The following WDR33 variants were observed in gnomAD, a reference collection of about 807,000 sequenced individuals.
WDR33 encodes WD repeat domain 33, also known as pre-mRNA 3' end processing protein WDR33.
In WDR33, 47 loss-of-function variants were observed where a neutral mutation model predicts 164.9. The ratio of observed to expected loss-of-function variants is 0.29; its 90% CI spans 0.23 to 0.36. WDR33 has a LOEUF of 0.36. WDR33 is among the 10% of genes least tolerant of loss of function. WDR33 has a pLI of 1.00. For synonymous variants in WDR33, 505 were observed against 589.0 expected (o/e 0.86, Z 2.06); for missense variants, 1,137 against 1,754.1 (o/e 0.65, Z 6.28).
At position 127,722,345 on chromosome 2, in the gene WDR33, CCT is replaced by C. The variant is rs2105382952; in HGVS notation, c.1518+244_1518+245del. Among the ~76,000 whole-genome samples the C allele has an allele frequency of 6.6e-6, 1 of 152,280 alleles. No individual in the cohort carries two copies. Among genetic ancestry groups the C allele is most frequent in the African/African-American group, 2.4e-5 (1 of 41,548 alleles). On this transcript the variant is annotated intron_variant, in intron 14 of 21. Coordinates refer to ENST00000322313, the MANE Select transcript of WDR33 (RefSeq NM_018383.5). This position sits in a 1 kb window ranked among gnomAD's most constrained non-coding sequence, Gnocchi z 5.1. The stretch of plus-strand genomic sequence containing the variant: ...ACTCCCATACTCCCTCTGCTCCATG[CCT>C]CTTTCTTCTATTTCCTCTCATAGCA...
rs1685869307 is a variant in WDR33, at chr2:127,701,228, C to A, written c.*5095G>T. 1 of 246,746 alleles carries A rather than the reference C, an allele frequency of 4.1e-6. No homozygotes were observed. Among genetic ancestry groups the A allele is most frequent in the South Asian group, 1.8e-4 (1 of 5,690 alleles). 15.3% of individuals were successfully genotyped at this position (246,746 alleles called of 1,614,324 possible). On this transcript the variant is annotated 3_prime_UTR_variant, in exon 22 of 22. Transcript: ENST00000322313. ...TTGTGCCCCTTTAGAACCACACCCA[C>A]CCCTGCCTTCCAACTATTAATGCTG...
intron 7 of WDR33, among the ~76,000 whole-genome samples, chr2:127,760,401 T>C (rs922990531): frequency 1.3e-5 from 2 of 152,216 alleles, no homozygotes; most frequent in African/African-American, 4.8e-5. Context: ...GCAACTGATA[T>C]TTTAGAGGTT....
rs76572662 is a variant in WDR33, at chr2:127,773,413, T to C, written c.-23-2409A>G. 4.7e-4 allele frequency among the ~76,000 whole-genome samples: 71 copies of C among 151,794 alleles called. 1 individual carries two copies. Among genetic ancestry groups the C allele is most frequent in the East Asian group, 2.7e-3 (14 of 5,170 alleles). ...TAAGACCATTAAATTTGAATAATAATAACAACAAGGAGGAGGAGGGGTGGA... is the reference window on the plus strand; with the variant it reads ...TAAGACCATTAAATTTGAATAATAACAACAACAAGGAGGAGGAGGGGTGGA... On this transcript the variant is annotated intron_variant, in intron 1 of 21. Coordinates refer to ENST00000322313, the MANE Select transcript of WDR33 (RefSeq NM_018383.5).
At chr2:127,782,604 T>C (rs1390138746) in intron 1 of WDR33, among the ~76,000 whole-genome samples, 1 of 152,080 alleles carries the variant, frequency 6.6e-6, no homozygotes, top group Admixed American at 6.6e-5. Flanking sequence ...GGAAGAAAAA[T>C]ATTAGACGGG....
In WDR33 at chr2:127,702,102, G is replaced by A; in HGVS notation, c.*4221C>T. 8.2e-7 allele frequency: 1 copy of A among 1,217,462 alleles called. No homozygotes were observed. Among genetic ancestry groups the A allele is most frequent in the Non-Finnish European group, 1.0e-6 (1 of 981,254 alleles). The allele number at this position is 1,217,462 out of a possible 1,614,324, so 75.4% of individuals were successfully genotyped here. On this transcript the variant is annotated 3_prime_UTR_variant, in exon 22 of 22. Transcript: ENST00000322313. ...GCTGGTTGGGCTGCTGCCCTGGGGC[G>A]GCGGCACCGCGCTGCGCCTCGCACT...
chr2:127,715,193 G>A (rs1252882892), intron 17 of WDR33, among the ~76,000 whole-genome samples: 1 of 146,520 alleles, frequency 6.8e-6, no homozygotes, highest in African/African-American at 2.5e-5. Context: ...AGGGATTCAA[G>A]CGATTCTCCT....
chr2:127,785,633 C>A (rs1004466803), intron 1 of WDR33, among the ~76,000 whole-genome samples: 1 of 152,012 alleles, frequency 6.6e-6, no homozygotes, highest in Non-Finnish European at 1.5e-5. Context: ...TCCTGCATGT[C>A]TTTTCAGGTC....
intron 8 of WDR33, 126 bp from the exon 9 acceptor site, chr2:127,725,341 A>C: frequency 1.1e-6 from 1 of 881,078 alleles, no homozygotes; most frequent in East Asian, 2.6e-5. Flanking sequence ...TAAAGCCTGT[A>C]ACATTAAAGG....
intron 1 of WDR33, among the ~76,000 whole-genome samples, chr2:127,803,035 A>G (rs906329293): frequency 4.6e-5 from 7 of 152,188 alleles, no homozygotes; most frequent in Admixed American, 1.3e-4. Context: ...AAACCCTAAT[A>G]ATGAATACAA....
chr2:127,755,067 C>T (rs1167423366), intron 7 of WDR33, among the ~76,000 whole-genome samples: 2 of 152,114 alleles, frequency 1.3e-5, no homozygotes, highest in East Asian at 3.8e-4. Context: ...ATCTAAAACA[C>T]AGGATTGTTT....
chr2:127,724,996 A>AT lies in WDR33; in HGVS notation c.1007-32dup, dbSNP rs751686782. 1.2e-6 allele frequency: 2 copies of AT among 1,614,194 alleles called. No individual in the cohort carries two copies. Among genetic ancestry groups the AT allele is most frequent in the Non-Finnish European group, 1.7e-6 (2 of 1,180,022 alleles). On this transcript the variant is annotated intron_variant, in intron 9 of 21. Transcript: ENST00000322313. This position sits in a 1 kb window ranked among gnomAD's most constrained non-coding sequence, Gnocchi z 4.8. The stretch of plus-strand genomic sequence containing the variant: ...GAACAAAAACATGGGAAAAGACACA[A>AT]TTATCAGGATCTGAGAATGTTACAG...
rs1275362640 is a variant in WDR33, at chr2:127,763,381, C to T, written c.627-222G>A. Reference sequence around the variant, plus strand: ...GTTTGAGTTTTCAATCATCAGTATTCTGAGAACTTCAAGTGTGTATTATTA... The same window carrying T: ...GTTTGAGTTTTCAATCATCAGTATTTTGAGAACTTCAAGTGTGTATTATTA... On this transcript the variant is annotated intron_variant, in intron 6 of 21. Transcript: ENST00000322313. This position sits in a 1 kb window ranked among gnomAD's most constrained non-coding sequence, Gnocchi z 4.5. The T allele has an allele frequency of 2.1e-5, 29 of 1,370,322 alleles. No homozygotes were observed. Among genetic ancestry groups the T allele is most frequent in the Non-Finnish European group, 2.6e-5 (28 of 1,060,140 alleles). The allele number at this position is 1,370,322 out of a possible 1,614,324, so 84.9% of individuals were successfully genotyped here.
intron 1 of WDR33, among the ~76,000 whole-genome samples, chr2:127,798,283 G>A (rs1689111308): frequency 1.4e-5 from 2 of 141,702 alleles, no homozygotes; most frequent in African/African-American, 2.7e-5. Context: ...CAGGAGGATC[G>A]CTTGAACCTG....
At chr2:127,732,108 AACACACACACACACACACACACACACAC>A (rs71394692) in intron 7 of WDR33, among the ~76,000 whole-genome samples, 4 of 138,208 alleles carry the variant, frequency 2.9e-5, no homozygotes, top group East Asian at 4.3e-4. Flanking sequence ...CAACATATAC[AACACACACACACACACACACACACACAC>A]ACACACACAC....
intron 7 of WDR33, among the ~76,000 whole-genome samples, chr2:127,751,390 A>G (rs866960719): frequency 7.6e-6 from 1 of 131,352 alleles, no homozygotes; most frequent in Non-Finnish European, 1.6e-5. Context: ...TAATAATAAT[A>G]ATAATAATAA....
At chr2:127,755,516 A>G (rs1687493239) in intron 7 of WDR33, among the ~76,000 whole-genome samples, 1 of 152,208 alleles carries the variant, frequency 6.6e-6, no homozygotes, top group Non-Finnish European at 1.5e-5. Context: ...CTATTAAAAA[A>G]ATAGGATTAT....
chr2:127,774,322 G>C (rs1057037927), intron 1 of WDR33, among the ~76,000 whole-genome samples: 1 of 151,900 alleles, frequency 6.6e-6, no homozygotes, highest in Non-Finnish European at 1.5e-5. Context: ...AAAGTGCTGG[G>C]ATTACAGGCA....
At chr2:127,788,025 A>C (rs1089172) in intron 1 of WDR33, among the ~76,000 whole-genome samples, 34 of 34,912 alleles carry the variant, frequency 9.7e-4, no homozygotes, top group Admixed American at 1.8e-3. Context: ...GGGGGCTGAC[A>C]CCCCCCACCT....
chr2:127,740,585 T>C (rs1686986014), intron 7 of WDR33, among the ~76,000 whole-genome samples: 1 of 152,220 alleles, frequency 6.6e-6, no homozygotes. Context: ...CTTTCAATTA[T>C]TTTAATTGAT....
Sources: allele counts gnomAD v4.1 joint callset (sites outside exome capture counted in the v4.1 genomes callset), GRCh38; gene constraint gnomAD v4.1.1; non-coding constraint Gnocchi (gnomAD v3.1); transcripts MANE v1.5; gene names NCBI Gene and HGNC (gene_info 2026-07-23, HGNC 2026-07-21).